The following LRP1B variants were observed in gnomAD, a reference collection of about 807,000 sequenced individuals.
LRP1B encodes LDL receptor related protein 1B.
Under a neutral mutation model 556.6 loss-of-function variants are expected in LRP1B, and 217 were observed. The ratio of observed to expected loss-of-function variants is 0.39; its 90% CI spans 0.35 to 0.44. The LOEUF is 0.44. Among genes scored for constraint, LRP1B ranks in the 20% least tolerant of loss-of-function variants. LRP1B has a pLI of 1.00. For missense variants in LRP1B, 5,053 were observed against 5,620.8 expected (o/e 0.90, Z 3.23); for synonymous variants, 2,047 against 1,865.8 (o/e 1.10, Z -2.50).
chr2:140,949,212 C>T (rs1172746265), intron 20 of LRP1B, among the ~76,000 whole-genome samples: 1 of 152,076 alleles, frequency 6.6e-6, no homozygotes, highest in East Asian at 1.9e-4. Flanking sequence ...TTCTTTAGTC[C>T]TCAATAAATA....
intron 41 of LRP1B, among the ~76,000 whole-genome samples, chr2:140,656,315 A>G (rs540083978): frequency 2.0e-5 from 3 of 152,318 alleles, no homozygotes; most frequent in African/African-American, 7.2e-5. Context: ...ATTCTAACAA[A>G]ATGGTGATTG....
intron 2 of LRP1B, among the ~76,000 whole-genome samples, chr2:141,606,472 G>A (rs1402444644): frequency 6.6e-6 from 1 of 152,102 alleles, no homozygotes; most frequent in East Asian, 1.9e-4. Context: ...AAAATATTAT[G>A]GATTTAATTG....
chr2:141,588,722 A>C (rs1323353421), intron 2 of LRP1B, among the ~76,000 whole-genome samples: 2 of 152,136 alleles, frequency 1.3e-5, no homozygotes, highest in African/African-American at 4.8e-5. Flanking sequence ...CCCTCTCTAC[A>C]TTACGGATAT....
At chr2:140,728,758 C>CT (rs1161366557) in intron 35 of LRP1B, among the ~76,000 whole-genome samples, 14 of 152,168 alleles carry the variant, frequency 9.2e-5, no homozygotes, top group African/African-American at 3.4e-4. Flanking sequence ...AGCATAATGA[C>CT]TAAAGCCTTA....
chr2:141,364,813 T>C (rs1417025233), intron 3 of LRP1B, among the ~76,000 whole-genome samples: 1 of 152,204 alleles, frequency 6.6e-6, no homozygotes, highest in East Asian at 1.9e-4. Flanking sequence ...AAACGTATTA[T>C]ATGTTCTAAC....
At chr2:141,963,225 GAT>G (rs1380988029) in intron 1 of LRP1B, among the ~76,000 whole-genome samples, 1 of 151,866 alleles carries the variant, frequency 6.6e-6, no homozygotes, top group Non-Finnish European at 1.5e-5. Context: ...TCTTACTATG[GAT>G]AACAAGAGTA....
At chr2:141,688,270 C>A (rs1691385633) in intron 2 of LRP1B, among the ~76,000 whole-genome samples, 1 of 151,662 alleles carries the variant, frequency 6.6e-6, no homozygotes. Context: ...ATGTTCTCTT[C>A]ATGTGTTTAC....
chr2:141,851,206 C>T lies in LRP1B; in HGVS notation c.83-40805G>A, dbSNP rs117069114. ...TTGAAAGACATAAAAATGTGAATGC[C>T]CTCATCTCAAAGGAATATATGAATA... On this transcript the variant is annotated intron_variant, in intron 1 of 90. Coordinates refer to ENST00000389484, the MANE Select transcript of LRP1B (RefSeq NM_018557.3). 5.5e-4 allele frequency among the ~76,000 whole-genome samples: 84 copies of T among 151,782 alleles called. No homozygotes were observed. The East Asian group carries it at 0.014, about 26-fold the overall frequency.
intron 35 of LRP1B, among the ~76,000 whole-genome samples, chr2:140,757,448 T>C (rs1001659479): frequency 3.3e-5 from 5 of 152,176 alleles, no homozygotes; most frequent in African/African-American, 1.2e-4. Context: ...AAATGGAAGA[T>C]TATTTGGCAA....
At chr2:141,701,357 G>A (rs1691932376) in intron 2 of LRP1B, among the ~76,000 whole-genome samples, 1 of 151,436 alleles carries the variant, frequency 6.6e-6, no homozygotes, top group Non-Finnish European at 1.5e-5. Flanking sequence ...ACTAATCCTG[G>A]TGTGGCATGC....
intron 35 of LRP1B, among the ~76,000 whole-genome samples, chr2:140,748,821 TATATATC>T (rs1688464613): frequency 3.3e-5 from 3 of 91,454 alleles, no homozygotes; most frequent in Admixed American, 1.2e-4. Context: ...ATGTATATAA[TATATATC>T]ATATATTATA....
chr2:140,896,441 C>G (rs1693956652), intron 23 of LRP1B, among the ~76,000 whole-genome samples: 1 of 151,780 alleles, frequency 6.6e-6, no homozygotes, highest in African/African-American at 2.4e-5. Flanking sequence ...GATGAGAGAA[C>G]TACGGAGGAA....
chr2:140,694,844 T>A (rs1346440485), intron 41 of LRP1B, among the ~76,000 whole-genome samples: 1 of 152,100 alleles, frequency 6.6e-6, no homozygotes, highest in Non-Finnish European at 1.5e-5. Context: ...ATTTTTATTT[T>A]ATCAATAAAG....
chr2:140,848,172 C>G (rs1692334033), intron 29 of LRP1B, among the ~76,000 whole-genome samples: 1 of 152,108 alleles, frequency 6.6e-6, no homozygotes, highest in African/African-American at 2.4e-5. Context: ...TCAGAGACAC[C>G]TAATGTCCTT....
intron 7 of LRP1B, among the ~76,000 whole-genome samples, chr2:141,073,917 T>G (rs1451104343): frequency 6.6e-6 from 1 of 152,060 alleles, no homozygotes; most frequent in Non-Finnish European, 1.5e-5. Context: ...ACTTGGCAAT[T>G]TACACTGTAT....
chr2:140,802,591 C>T (rs1356768108), intron 32 of LRP1B, among the ~76,000 whole-genome samples: 1 of 152,130 alleles, frequency 6.6e-6, no homozygotes, highest in African/African-American at 2.4e-5. Flanking sequence ...AGCATACCTG[C>T]ATCAGTCTGC....
intron 2 of LRP1B, among the ~76,000 whole-genome samples, chr2:141,728,156 G>A (rs1363414485): frequency 6.6e-6 from 1 of 152,150 alleles, no homozygotes; most frequent in Non-Finnish European, 1.5e-5. Flanking sequence ...GAAGAGTGTA[G>A]AGAGAAAGGA....
At chr2:141,983,046 GA>G (rs1368018341) in intron 1 of LRP1B, among the ~76,000 whole-genome samples, 1 of 152,040 alleles carries the variant, frequency 6.6e-6, no homozygotes, top group Non-Finnish European at 1.5e-5. Flanking sequence ...TCTAGAACAG[GA>G]AAGAGAAAAG....
chr2:141,621,231 ATTCT>A (rs1688497028), intron 2 of LRP1B, among the ~76,000 whole-genome samples: 2 of 152,198 alleles, frequency 1.3e-5, no homozygotes, highest in Non-Finnish European at 2.9e-5. Context: ...ATGTTTTAAA[ATTCT>A]TTCTCAATTG....
Sources: gnomAD v4.1 joint callset for allele counts (sites outside exome capture counted in the v4.1 genomes callset) on GRCh38, gnomAD v4.1.1 for gene constraint, MANE v1.5 for transcripts, NCBI Gene and HGNC (gene_info 2026-07-23, HGNC 2026-07-21) for gene names.